MAD1L1: variants seen among roughly 807,000 people sequenced by gnomAD.
The protein encoded by MAD1L1 is mitotic arrest deficient 1 like 1.
Under a neutral mutation model 96.9 loss-of-function variants are expected in MAD1L1, and 95 were observed. The observed-to-expected ratio is 0.98, with a 90% CI of 0.83 to 1.16. The LOEUF is 1.16. MAD1L1 is among the 50% of genes most tolerant of loss of function. The pLI is 0.00. For synonymous variants in MAD1L1, 473 were observed against 396.6 expected, an observed-to-expected ratio of 1.19 and a Z score of -2.29; for missense variants, 1,007 against 954.4, an observed-to-expected ratio of 1.06 and a Z score of -0.73.
chr7:1,911,862 G>A (rs1703550446), intron 17 of MAD1L1, among the ~76,000 whole-genome samples: 2 of 152,328 alleles, frequency 1.3e-5, no homozygotes, highest in Middle Eastern at 3.4e-3. Context: ...GCACACACAC[G>A]CCTTTCCAGC....
intron 15 of MAD1L1, among the ~76,000 whole-genome samples, chr7:1,970,130 G>A (rs117190769): frequency 0.021 from 3,217 of 152,250 alleles, 62 homozygotes; most frequent in Non-Finnish European, 0.036. Context: ...GGACTGGGCT[G>A]GAAAAAGCCG....
chr7:1,831,079 T>A (rs759752003), intron 18 of MAD1L1, among the ~76,000 whole-genome samples: 2 of 152,296 alleles, frequency 1.3e-5, no homozygotes, highest in Non-Finnish European at 2.9e-5. Context: ...ATTCGCCCTG[T>A]GTTCACATGA....
At chr7:1,896,335 C>T (rs908095257) in intron 18 of MAD1L1, among the ~76,000 whole-genome samples, 2 of 152,126 alleles carry the variant, frequency 1.3e-5, no homozygotes, top group East Asian at 1.9e-4. Flanking sequence ...GGATGAGGGC[C>T]GGGGGAGCTG....
At chr7:2,004,525 C>T (rs1241040099) in intron 13 of MAD1L1, among the ~76,000 whole-genome samples, 1 of 152,214 alleles carries the variant, frequency 6.6e-6, no homozygotes, top group Non-Finnish European at 1.5e-5. Flanking sequence ...AGCAGCAGGG[C>T]TGAGAGCTGT....
At chr7:2,151,528 T>G (rs1789570444) in intron 10 of MAD1L1, among the ~76,000 whole-genome samples, 1 of 152,190 alleles carries the variant, frequency 6.6e-6, no homozygotes, top group Non-Finnish European at 1.5e-5. Flanking sequence ...GCCTGCCACC[T>G]CCCTCTGTGG....
At chr7:1,889,844 A>G (rs1156685595) in intron 18 of MAD1L1, among the ~76,000 whole-genome samples, 1 of 151,912 alleles carries the variant, frequency 6.6e-6, no homozygotes, top group African/African-American at 2.4e-5. Context: ...CACCCCACCC[A>G]GGCAGAGGCC....
At chr7:1,871,316 C>T (rs1276816316) in intron 18 of MAD1L1, among the ~76,000 whole-genome samples, 2 of 145,024 alleles carry the variant, frequency 1.4e-5, no homozygotes, top group African/African-American at 2.6e-5. Context: ...CCAACATACG[C>T]CTGCCACGCT....
intron 10 of MAD1L1, among the ~76,000 whole-genome samples, chr7:2,202,556 C>A (rs1050718760): frequency 6.6e-6 from 1 of 152,196 alleles, no homozygotes; most frequent in African/African-American, 2.4e-5. Context: ...ACGAGGCATC[C>A]GGCATGCAGG....
intron 14 of MAD1L1, among the ~76,000 whole-genome samples, chr7:1,988,424 G>A (rs375120138): frequency 2.6e-5 from 4 of 152,148 alleles, no homozygotes; most frequent in African/African-American, 7.2e-5. Context: ...AGACTTCAGC[G>A]CAGACAGATC....
At chr7:2,123,971 G>A (rs1003463854) in intron 11 of MAD1L1, among the ~76,000 whole-genome samples, 1 of 152,154 alleles carries the variant, frequency 6.6e-6, no homozygotes, top group Non-Finnish European at 1.5e-5. Flanking sequence ...GCAAGGGGCG[G>A]GGGCTTAGGC....
At chr7:2,067,017 A>G (rs1035450683) in intron 12 of MAD1L1, among the ~76,000 whole-genome samples, 2 of 152,184 alleles carry the variant, frequency 1.3e-5, no homozygotes, top group Admixed American at 6.5e-5. Context: ...CCAGGCCAAG[A>G]CCCAGGCCAC....
At chr7:1,957,844 A>G (rs113206075) in intron 15 of MAD1L1, 125 bp from the exon 16 acceptor site, 13,137 of 744,330 alleles carry the variant, frequency 0.018, 164 homozygotes, top group Non-Finnish European at 0.021. Context: ...TTCTAAATAC[A>G]TATCTGTGAA....
At chr7:1,833,960 AG>A (rs1415518282) in intron 18 of MAD1L1, among the ~76,000 whole-genome samples, 1 of 152,238 alleles carries the variant, frequency 6.6e-6, no homozygotes, top group Non-Finnish European at 1.5e-5. Context: ...AAAAAGTAGA[AG>A]GATTTAGACC....
intron 12 of MAD1L1, among the ~76,000 whole-genome samples, chr7:2,066,435 G>A (rs933751172): frequency 2.6e-5 from 4 of 152,360 alleles, no homozygotes; most frequent in South Asian, 2.1e-4. Context: ...GGGCGACTGG[G>A]ATCAATCCTT....
rs114979090 is a variant in MAD1L1, at chr7:2,076,991, C to T, written c.1074-7653G>A. Among the ~76,000 whole-genome samples, 567 of 145,448 alleles carry T rather than the reference C, an allele frequency of 3.9e-3. 4 individuals are homozygous for T. Among genetic ancestry groups the T allele is most frequent in the African/African-American group, 0.014 (526 of 38,464 alleles). On this transcript the variant is annotated intron_variant, in intron 11 of 18. Coordinates refer to ENST00000265854, the MANE Select transcript of MAD1L1 (RefSeq NM_001013836.2). ...AGCCCGCAGCATGGTGAGCCCGAGA[C>T]GGTTATGACACAGTGAGCTCACGGC...
rs1491399439 is a variant in MAD1L1 at position 1,816,184 on chromosome 7, C to CTCTG, written c.2039_2042dup (p.Glu681AspfsTer81). 6.2e-7 allele frequency: 1 copy of CTCTG among 1,613,270 alleles called. No individual in the cohort carries two copies. The highest frequency in any genetic ancestry group is 1.3e-5 in the African/African-American group (1 of 74,868). The stretch of plus-strand genomic sequence containing the variant: ...TGAGCTCGCCCACGGTGTGTGAGAA[C>CTCTG]TCTGTCTCCAGTAGCTGCATCTTGG... On this transcript the variant is annotated frameshift_variant, in exon 19 of 19. Transcript: ENST00000265854. LOFTEE classifies it high-confidence loss of function.
In MAD1L1 at chr7:1,946,809, C is replaced by T. The variant is rs374239266; in HGVS notation, c.1597-9912G>A. On this transcript the variant is annotated intron_variant, in intron 16 of 18. Coordinates refer to ENST00000265854, the MANE Select transcript of MAD1L1 (RefSeq NM_001013836.2). ...CAAAGCGGTCTTGGAGGGGTCTGCA[C>T]AGGGAGAGACAAGGCCCAGAGAGGG... Among the ~76,000 whole-genome samples, 570 of 152,354 alleles carry T rather than the reference C, an allele frequency of 3.7e-3. 3 individuals carry two copies. The highest frequency in any genetic ancestry group is 0.013 in the African/African-American group (531 of 41,580).
At chr7:1,992,606 T>G (rs1359589437) in intron 14 of MAD1L1, among the ~76,000 whole-genome samples, 2 of 152,160 alleles carry the variant, frequency 1.3e-5, no homozygotes, top group Admixed American at 1.3e-4. Context: ...CAATCCTACA[T>G]CTGCCTTTTT....
At position 2,101,592 on chromosome 7, in the gene MAD1L1, C is replaced by T. The variant is rs73038449; in HGVS notation, c.1074-32254G>A. On this transcript the variant is annotated intron_variant, in intron 11 of 18. Coordinates refer to ENST00000265854, the MANE Select transcript of MAD1L1 (RefSeq NM_001013836.2). ...GCTCCACTCCTAAAGGGTCTCCATC[C>T]GGGTGCCTGGCGTGAGACTGGGGCT... 2.1e-3 allele frequency among the ~76,000 whole-genome samples: 306 copies of T among 144,020 alleles called. 5 individuals carry two copies. Among genetic ancestry groups the T allele is most frequent in the South Asian group, 0.011 (43 of 4,052 alleles). 94.5% of individuals were successfully genotyped at this position (144,020 alleles called of 152,430 possible). A position where few individuals can be genotyped will look rare whatever the true frequency, so the allele number is the denominator to read the frequency against.
Sources: gnomAD v4.1 joint callset for allele counts (sites outside exome capture counted in the v4.1 genomes callset) on GRCh38, gnomAD v4.1.1 for gene constraint, MANE v1.5 for transcripts, NCBI Gene and HGNC (gene_info 2026-07-23, HGNC 2026-07-21) for gene names.